Variants in CYP4F22 observed in about 807,000 individuals in gnomAD.
CYP4F22 encodes cytochrome P450 family 4 subfamily F member 22.
CYP4F22 carries 37 observed loss-of-function variants against 60.4 expected under a neutral mutation model. That is an observed-to-expected ratio of 0.61 (90% CI 0.47 to 0.81). CYP4F22 has a LOEUF of 0.81. CYP4F22 is among the 30% of genes least tolerant of loss of function. The probability of loss-of-function intolerance (pLI) is 0.00; values close to 1 mark genes in which losing one functional copy is unlikely to be tolerated. For missense variants in CYP4F22, 655 were observed against 715.0 expected (o/e 0.92, Z 0.96); for synonymous variants, 258 against 280.5 (o/e 0.92, Z 0.80).
chr19:15,532,366 C>T (rs1314791421), intron 4 of CYP4F22, among the ~76,000 whole-genome samples: 1 of 150,226 alleles, frequency 6.7e-6, no homozygotes. Flanking sequence ...TCCTCCTCCA[C>T]CTTCTTCTTT....
chr19:15,509,889 C>CT (rs1356540776), intron 1 of CYP4F22, among the ~76,000 whole-genome samples: 7 of 117,332 alleles, frequency 6.0e-5, no homozygotes, highest in Admixed American at 4.6e-4. Context: ...TCCTTCCTTC[C>CT]TTCCTTCCTT....
Position 15,547,984 on chromosome 19 carries a change from AGAGAGAGAGAGGGAGAGAGT to A in CYP4F22, c.1137-122_1137-103del, listed in dbSNP as rs1268960736. ...AGCTGCCCCTGAGAGAGAGAGAGAG[AGAGAGAGAGAGGGAGAGAGT>A]GTGTGTGTGTGTGTGTGTGTGTGTG... On this transcript the variant is annotated intron_variant, in intron 10 of 13. Coordinates refer to ENST00000269703, the MANE Select transcript of CYP4F22 (RefSeq NM_173483.4). The A allele has an allele frequency of 7.1e-6, 7 of 989,184 alleles. No individual in the cohort carries two copies. The African/African-American group carries it at 1.1e-4, about 16-fold the overall frequency. 61.3% of individuals were successfully genotyped at this position (989,184 alleles called of 1,614,324 possible). A position where few individuals can be genotyped will look rare whatever the true frequency, so the allele number is the denominator to read the frequency against.
chr19:15,544,943 C>T (rs1193066936), intron 10 of CYP4F22, among the ~76,000 whole-genome samples: 1 of 152,092 alleles, frequency 6.6e-6, no homozygotes, highest in East Asian at 1.9e-4. Context: ...TGCCTGTAAT[C>T]CCCCCTACTC....
At chr19:15,545,417 G>T (rs924966869) in intron 10 of CYP4F22, among the ~76,000 whole-genome samples, 15 of 151,974 alleles carry the variant, frequency 9.9e-5, no homozygotes, top group Non-Finnish European at 1.5e-4. Flanking sequence ...GGAGGCCGAG[G>T]GGGGTGGATT....
At chr19:15,531,444 T>A (rs1241869121) in intron 4 of CYP4F22, among the ~76,000 whole-genome samples, 1 of 150,718 alleles carries the variant, frequency 6.6e-6, no homozygotes, top group Non-Finnish European at 1.5e-5. Flanking sequence ...CAGCTTTGCC[T>A]CTACAAACAC....
chr19:15,542,932 A>G (rs541450475), intron 8 of CYP4F22, among the ~76,000 whole-genome samples: 1 of 151,988 alleles, frequency 6.6e-6, no homozygotes, highest in African/African-American at 2.4e-5. Flanking sequence ...TATGTACCAC[A>G]TTTTCTTTAT....
intron 10 of CYP4F22, among the ~76,000 whole-genome samples, chr19:15,545,280 T>C (rs1229410893): frequency 1.3e-5 from 2 of 151,960 alleles, no homozygotes; most frequent in African/African-American, 4.8e-5. Flanking sequence ...AGGGAGGAAG[T>C]GGAGAATCAG....
chr19:15,534,659 T>G (rs534699285), intron 4 of CYP4F22, among the ~76,000 whole-genome samples: 352 of 152,150 alleles, frequency 2.3e-3, no homozygotes, highest in South Asian at 0.015. Flanking sequence ...GTGAGGAGCG[T>G]GGACACAGAC....
At chr19:15,533,417 C>T (rs2144522885) in intron 4 of CYP4F22, among the ~76,000 whole-genome samples, 1 of 152,172 alleles carries the variant, frequency 6.6e-6, no homozygotes, top group African/African-American at 2.4e-5. Context: ...CATTTCCCTC[C>T]TCCTCCCATC....
intron 1 of CYP4F22, among the ~76,000 whole-genome samples, chr19:15,521,231 C>CTTT (rs58365952): frequency 4.5e-5 from 5 of 110,194 alleles, no homozygotes; most frequent in Admixed American, 9.5e-5. Context: ...TTACTTCCAC[C>CTTT]TTTTTTTTTT....
At chr19:15,522,618 T>C (rs999291257) in intron 1 of CYP4F22, among the ~76,000 whole-genome samples, 2 of 152,142 alleles carry the variant, frequency 1.3e-5, no homozygotes, top group South Asian at 2.1e-4. Context: ...TGAGGCTGCA[T>C]TGAGCCGTGA....
At chr19:15,547,018 G>GT (rs71176432) in intron 10 of CYP4F22, among the ~76,000 whole-genome samples, 1,566 of 82,294 alleles carry the variant, frequency 0.019, 97 homozygotes, top group African/African-American at 0.07. Flanking sequence ...GCCTGCACCA[G>GT]TTTTTTTTTT....
intron 2 of CYP4F22, among the ~76,000 whole-genome samples, chr19:15,525,013 A>G (rs1250815486): frequency 6.6e-6 from 1 of 152,142 alleles, no homozygotes; most frequent in Non-Finnish European, 1.5e-5. Context: ...AATGAGCCTC[A>G]GTCATTGGTT....
Position 15,537,979 on chromosome 19 carries a change from C to T in CYP4F22, c.657C>T (p.Asn219=). The T allele has an allele frequency of 6.2e-7, 1 of 1,614,144 alleles. No homozygotes were observed. Among genetic ancestry groups the T allele is most frequent in the Non-Finnish European group, 8.5e-7 (1 of 1,180,008 alleles). ...TTCAGAAATGTGTCTTCAGCTACAA[C>T]AGCAACTGCCAAGAGTGAGTGTGAC... is the stretch of plus-strand genomic sequence containing the variant. ...DSLQKCVFSY[N]SNCQEKMSDY... The change falls in exon 7 of 14, where the codon AAC becomes AAT. Residue 219 remains asparagine (N), a synonymous_variant. Transcript: ENST00000269703.
intron 4 of CYP4F22, among the ~76,000 whole-genome samples, chr19:15,533,440 C>G (rs539163661): frequency 6.6e-6 from 1 of 152,052 alleles, no homozygotes; most frequent in Admixed American, 6.6e-5. Flanking sequence ...CTGGTAACCT[C>G]GAATCTGCTT....
At chr19:15,531,202 C>T (rs6512043) in intron 4 of CYP4F22, among the ~76,000 whole-genome samples, 9,095 of 152,068 alleles carry the variant, frequency 0.06, 311 homozygotes, top group African/African-American at 0.08. Flanking sequence ...TCTAGCAAGA[C>T]CCCATCTGTA....
intron 1 of CYP4F22, among the ~76,000 whole-genome samples, chr19:15,511,280 A>T (rs921388465): frequency 6.6e-6 from 1 of 151,118 alleles, no homozygotes; most frequent in African/African-American, 2.4e-5. Flanking sequence ...CACTATATTA[A>T]TTTTTTTTAA....
chr19:15,522,579 G>A (rs967381149), intron 1 of CYP4F22, among the ~76,000 whole-genome samples: 7 of 152,304 alleles, frequency 4.6e-5, no homozygotes, highest in Non-Finnish European at 7.4e-5. Context: ...TGGAGGCTGA[G>A]GTGGGAGGAT....
At chr19:15,508,704 C>T (rs1158282623) in intron 1 of CYP4F22, 121 bp downstream of exon 1, 1 of 152,046 alleles carries the variant, frequency 6.6e-6, no homozygotes, top group Non-Finnish European at 1.5e-5. Context: ...CGGCGGCGGG[C>T]GGGGCGCAGC....
Sources: allele counts gnomAD v4.1 joint callset (sites outside exome capture counted in the v4.1 genomes callset), GRCh38; gene constraint gnomAD v4.1.1; transcripts MANE v1.5; gene names NCBI Gene and HGNC (gene_info 2026-07-23, HGNC 2026-07-21).